NRXN1: variants seen among roughly 807,000 people sequenced by gnomAD.
NRXN1 encodes the protein neurexin-1.
Under a neutral mutation model 150.9 loss-of-function variants are expected in NRXN1, and 39 were observed. That is an observed-to-expected ratio of 0.26 (90% CI 0.20 to 0.34). The LOEUF is 0.34. Among genes scored for constraint, NRXN1 ranks in the 10% least tolerant of loss-of-function variants. The pLI, the probability that NRXN1 is intolerant of heterozygous loss-of-function variation, is 1.00. For synonymous variants in NRXN1, 924 were observed against 757.0 expected (o/e 1.22, Z -3.62); for missense variants, 1,815 against 1,949.9 (o/e 0.93, Z 1.30).
chr2:49,946,300 A>G (rs1335701382), intron 21 of NRXN1, among the ~76,000 whole-genome samples: 2 of 152,062 alleles, frequency 1.3e-5, no homozygotes, highest in Non-Finnish European at 2.9e-5. Context: ...TTTGTCAGAC[A>G]GATAGATTGC....
intron 17 of NRXN1, among the ~76,000 whole-genome samples, chr2:50,290,588 C>G (rs1368130052): frequency 2.0e-5 from 3 of 152,102 alleles, no homozygotes; most frequent in South Asian, 2.1e-4. Context: ...TTCCTACGTT[C>G]TCTAGCCAGC....
intron 5 of NRXN1, among the ~76,000 whole-genome samples, chr2:50,639,202 T>TTTTCTTTCTTTC (rs748620258): frequency 1.0e-4 from 13 of 127,926 alleles, no homozygotes; most frequent in African/African-American, 2.5e-4. Context: ...TTTATCATTT[T>TTTTCTTTCTTTC]TTTCTTTCTT....
intron 17 of NRXN1, among the ~76,000 whole-genome samples, chr2:50,290,827 T>A (rs2072827101): frequency 1.3e-5 from 2 of 152,128 alleles, no homozygotes; most frequent in African/African-American, 4.8e-5. Context: ...AAGAAAGGAA[T>A]GTAGCTGTTC....
intron 18 of NRXN1, among the ~76,000 whole-genome samples, chr2:50,172,978 T>C (rs1160396387): frequency 6.6e-6 from 1 of 151,872 alleles, no homozygotes; most frequent in Non-Finnish European, 1.5e-5. Context: ...AAAAAATAAA[T>C]AAATAAAAAT....
chr2:50,722,023 T>C, intron 5 of NRXN1, among the ~76,000 whole-genome samples: 1 of 152,152 alleles, frequency 6.6e-6, no homozygotes, highest in Non-Finnish European at 1.5e-5. Context: ...GAATTTCTTC[T>C]GCAGGAGGTC....
chr2:50,893,015 C>G (rs186713911), intron 5 of NRXN1, among the ~76,000 whole-genome samples: 2 of 152,278 alleles, frequency 1.3e-5, no homozygotes, highest in African/African-American at 4.8e-5. Flanking sequence ...CAAACAAGAA[C>G]TCCTCTGATG....
intron 5 of NRXN1, chr2:50,631,020 T>C: frequency 2.4e-6 from 1 of 409,546 alleles, no homozygotes; most frequent in South Asian, 1.9e-5. Context: ...CTTAAGAAAT[T>C]TACTATTATC....
chr2:50,820,876 T>C (rs1253770631), intron 5 of NRXN1, among the ~76,000 whole-genome samples: 3 of 152,118 alleles, frequency 2.0e-5, no homozygotes, highest in African/African-American at 7.2e-5. Flanking sequence ...ACGAGGTCTG[T>C]TTGTGTTATA....
intron 5 of NRXN1, among the ~76,000 whole-genome samples, chr2:50,817,675 A>G (rs555211404): frequency 6.6e-6 from 1 of 152,228 alleles, no homozygotes; most frequent in South Asian, 2.1e-4. Context: ...AGAGGGATCT[A>G]TTCCTGGGTT....
At position 50,610,642 on chromosome 2, in the gene NRXN1, CATATATATATATATATAT is replaced by C. The variant is rs71404969; in HGVS notation, c.1320+9362_1320+9379del. ...GCCTGGCACATACTATAAATAGATA[CATATATATATATATATAT>C]ATATATATATATATATATCTGTACA... On this transcript the variant is annotated intron_variant, in intron 8 of 22. Transcript: ENST00000401669. 2.5e-3 allele frequency among the ~76,000 whole-genome samples: 109 copies of C among 42,876 alleles called. 11 individuals are homozygous for C. Among genetic ancestry groups the C allele is most frequent in the South Asian group, 0.011 (11 of 996 alleles). 28.1% of individuals were successfully genotyped at this position (42,876 alleles called of 152,430 possible). A position where few individuals can be genotyped will look rare whatever the true frequency, so the allele number is the denominator to read the frequency against.
At chr2:50,756,831 C>G (rs1033149628) in intron 5 of NRXN1, among the ~76,000 whole-genome samples, 3 of 151,800 alleles carry the variant, frequency 2.0e-5, no homozygotes, top group African/African-American at 7.2e-5. Context: ...TACATTTTTT[C>G]ACTCTCTTAT....
intron 8 of NRXN1, among the ~76,000 whole-genome samples, chr2:50,571,406 T>C (rs1242335387): frequency 6.6e-6 from 1 of 152,134 alleles, no homozygotes. Context: ...GATGAAAAGT[T>C]TGAGGTTAAA....
At chr2:50,376,766 T>G (rs577432781) in intron 17 of NRXN1, among the ~76,000 whole-genome samples, 1 of 152,218 alleles carries the variant, frequency 6.6e-6, no homozygotes. Flanking sequence ...AGAGCTAGGA[T>G]AAAGAATCAC....
At chr2:50,251,002 GCATATGTGTAATATTACATA>G (rs1365321037) in intron 17 of NRXN1, among the ~76,000 whole-genome samples, 1 of 107,734 alleles carries the variant, frequency 9.3e-6, no homozygotes, top group African/African-American at 3.7e-5. Flanking sequence ...ATTACACATT[GCATATGTGTAATATTACATA>G]TTGTATATGT....
intron 2 of NRXN1, among the ~76,000 whole-genome samples, chr2:50,960,273 T>C (rs1156559196): frequency 6.6e-6 from 1 of 151,838 alleles, no homozygotes; most frequent in Non-Finnish European, 1.5e-5. Flanking sequence ...TTCAAAGGAC[T>C]TAACAACTTT....
intron 2 of NRXN1, among the ~76,000 whole-genome samples, chr2:51,022,299 G>C (rs1054963274): frequency 1.4e-4 from 22 of 152,052 alleles, no homozygotes; most frequent in Non-Finnish European, 7.4e-5. Context: ...GAAGTAAGCA[G>C]TATTCTCATC....
At chr2:50,827,762 G>C (rs1234584745) in intron 5 of NRXN1, among the ~76,000 whole-genome samples, 1 of 151,534 alleles carries the variant, frequency 6.6e-6, no homozygotes, top group African/African-American at 2.4e-5. Flanking sequence ...GCCTTCCGCA[G>C]TGTTTGTGTC....
chr2:50,358,067 C>T (rs1250525968), intron 17 of NRXN1, among the ~76,000 whole-genome samples: 2 of 152,144 alleles, frequency 1.3e-5, no homozygotes, highest in East Asian at 3.9e-4. Flanking sequence ...AGGCTTTTCC[C>T]ATGGTCTTCA....
chr2:49,918,809 C>T lies in NRXN1; in HGVS notation c.*3135G>A, dbSNP rs1048725947. ...TTCAAATGCAGCCTTCTTTACTTTC[C>T]CACTTAAGCACGAAATGGTGCCGCA... On this transcript the variant is annotated 3_prime_UTR_variant, in exon 23 of 23. Coordinates refer to ENST00000401669, the MANE Select transcript of NRXN1 (RefSeq NM_001330078.2). 6.6e-6 allele frequency: 1 copy of T among 152,010 alleles called. No individual in the cohort carries two copies. Among genetic ancestry groups the T allele is most frequent in the African/African-American group, 2.4e-5 (1 of 41,406 alleles). The allele number at this position is 152,010 out of a possible 1,614,324, so 9.4% of individuals were successfully genotyped here. A position where few individuals can be genotyped will look rare whatever the true frequency, so the allele number is the denominator to read the frequency against.
Sources: allele counts gnomAD v4.1 joint callset (sites outside exome capture counted in the v4.1 genomes callset), GRCh38; gene constraint gnomAD v4.1.1; transcripts MANE v1.5; gene names NCBI Gene and HGNC (gene_info 2026-07-23, HGNC 2026-07-21).